KAT6B: variants seen among roughly 807,000 people sequenced by gnomAD.
KAT6B encodes lysine acetyltransferase 6B.
KAT6B carries 10 observed loss-of-function variants against 187.5 expected under a neutral mutation model. That is an observed-to-expected ratio of 0.05 (90% CI 0.03 to 0.09). The LOEUF is 0.09. Among genes scored for constraint, KAT6B ranks in the 10% least tolerant of loss-of-function variants. The pLI is 1.00. For synonymous variants in KAT6B, 861 were observed against 926.8 expected, an observed-to-expected ratio of 0.93 and a Z score of 1.29; for missense variants, 1,952 against 2,558.9, an observed-to-expected ratio of 0.76 and a Z score of 5.12.
intron 3 of KAT6B, among the ~76,000 whole-genome samples, chr10:74,913,233 GTC>G (rs1847377837): frequency 6.6e-6 from 1 of 152,016 alleles, no homozygotes; most frequent in Non-Finnish European, 1.5e-5. Context: ...AAACACCATG[GTC>G]CCCCCTTATC....
chr10:74,871,701 C>G (rs1843987338), intron 3 of KAT6B, among the ~76,000 whole-genome samples: 1 of 152,268 alleles, frequency 6.6e-6, no homozygotes. Flanking sequence ...AACACTCACT[C>G]TAAGGGGAGC....
intron 3 of KAT6B, among the ~76,000 whole-genome samples, chr10:74,935,424 C>T (rs540038553): frequency 6.6e-6 from 1 of 151,770 alleles, no homozygotes; most frequent in Admixed American, 6.6e-5. Flanking sequence ...GCTATGATGC[C>T]CAGACCAGAG....
intron 3 of KAT6B, among the ~76,000 whole-genome samples, chr10:74,936,035 G>C (rs958304942): frequency 6.6e-6 from 1 of 152,104 alleles, no homozygotes; most frequent in East Asian, 1.9e-4. Context: ...TCTATCTTTA[G>C]TACAGCCATT....
chr10:74,961,472 C>G (rs1841091356), intron 4 of KAT6B, among the ~76,000 whole-genome samples: 1 of 152,172 alleles, frequency 6.6e-6, no homozygotes, highest in Non-Finnish European at 1.5e-5. Context: ...GGTGCCTAGA[C>G]AGATTAAAGA....
At position 74,977,427 on chromosome 10, in the gene KAT6B, T is replaced by G. The variant is rs762626734; in HGVS notation, c.2105T>G (p.Leu702Arg). 1 of 1,613,824 alleles carries G rather than the reference T, an allele frequency of 6.2e-7. No individual in the cohort carries two copies. Among genetic ancestry groups the G allele is most frequent in the South Asian group, 1.1e-5 (1 of 91,068 alleles). ...DLDVFKQAQE[L>R]SWEKIECESG... The stretch of plus-strand genomic sequence containing the variant: ...GATGTTTTTAAGCAGGCCCAGGAAC[T>G]TTCTTGGGAGGTAAGGCGAGGATCC... Residue 702 changes from leucine to arginine, a missense_variant, in exon 9 of 18, where the codon CTT becomes CGT. Around this residue, in one of 9 missense-constraint regions of KAT6B, gnomAD observed 417 missense variants for 508.9 expected, o/e 0.82. Coordinates refer to ENST00000287239, the MANE Select transcript of KAT6B (RefSeq NM_012330.4).
intron 8 of KAT6B, chr10:74,977,000 T>C (rs558434489): frequency 9.3e-5 from 30 of 322,952 alleles, no homozygotes; most frequent in South Asian, 8.8e-4. Context: ...ATGGGAATGC[T>C]ATAACTAGAC....
intron 13 of KAT6B, among the ~76,000 whole-genome samples, chr10:75,015,858 C>T (rs1424167873): frequency 2.0e-5 from 3 of 152,176 alleles, no homozygotes; most frequent in Non-Finnish European, 4.4e-5. Flanking sequence ...AAAGTTTACA[C>T]TTTGGTGTTT....
chr10:74,951,560 A>G (rs1207498567), intron 3 of KAT6B, among the ~76,000 whole-genome samples: 2 of 152,164 alleles, frequency 1.3e-5, no homozygotes, highest in Non-Finnish European at 2.9e-5. Flanking sequence ...TCTGTCTTAT[A>G]TAGTGACTAT....
chr10:74,958,815 G>A lies in KAT6B; in HGVS notation c.622-1155G>A, dbSNP rs1038902119. Reference sequence around the variant, plus strand: ...AGCACTTTGGGAGGCTGAGGCGGGCGGATCATGAGGTCAGAAGATCGAGAC... The same window carrying A: ...AGCACTTTGGGAGGCTGAGGCGGGCAGATCATGAGGTCAGAAGATCGAGAC... On this transcript the variant is annotated intron_variant, in intron 3 of 17. Coordinates refer to ENST00000287239, the MANE Select transcript of KAT6B (RefSeq NM_012330.4). Among the ~76,000 whole-genome samples the A allele has an allele frequency of 1.1e-4, 17 of 152,084 alleles. No homozygotes were observed. The East Asian group carries it at 1.5e-3, about 14-fold the overall frequency.
At chr10:74,855,868 T>C (rs548933167) in intron 3 of KAT6B, among the ~76,000 whole-genome samples, 1 of 152,360 alleles carries the variant, frequency 6.6e-6, no homozygotes, top group South Asian at 2.1e-4. Flanking sequence ...TATGTTTTTA[T>C]ACATGGGTGT....
At chr10:74,896,492 T>G (rs1845998674) in intron 3 of KAT6B, among the ~76,000 whole-genome samples, 1 of 151,948 alleles carries the variant, frequency 6.6e-6, no homozygotes, top group Non-Finnish European at 1.5e-5. Flanking sequence ...GTTTCACTAT[T>G]TTGGCCAGGC....
chr10:74,981,247 A>G (rs1842484808), intron 10 of KAT6B, among the ~76,000 whole-genome samples: 2 of 152,184 alleles, frequency 1.3e-5, no homozygotes, highest in Admixed American at 1.3e-4. Context: ...ATATTAAAAA[A>G]TAATGTATGG....
chr10:74,976,378 C>A, intron 8 of KAT6B, 48 bp downstream of exon 8: 1 of 1,482,520 alleles, frequency 6.7e-7, no homozygotes, highest in Non-Finnish European at 9.3e-7. Flanking sequence ...CCGTCCCTTT[C>A]TCCCCAACCC....
intron 11 of KAT6B, chr10:74,984,222 G>A (rs983045596): frequency 5.3e-5 from 8 of 152,200 alleles, no homozygotes; most frequent in African/African-American, 1.9e-4. Flanking sequence ...AATAATTTGT[G>A]CAAGATGAGA....
In KAT6B at chr10:75,021,886, G is replaced by A. The variant is rs1845433367; in HGVS notation, c.3027G>A (p.Glu1009=). Residue 1009 remains glutamate, a synonymous_variant, in exon 16 of 18, where the codon GAG becomes GAA. Transcript: ENST00000287239. ...EEEREAEKEA[E]RLMEQASCWE... is the part of the protein sequence containing the mutation. ...TTTTTACCCTCCCCACTTAGGCTGA[G>A]CGGCTAATGGAACAAGCTAGCTGCT... 6.2e-7 allele frequency: 1 copy of A among 1,614,182 alleles called. No individual in the cohort carries two copies. The highest frequency in any genetic ancestry group is 2.2e-5 in the East Asian group (1 of 44,892).
intron 3 of KAT6B, among the ~76,000 whole-genome samples, chr10:74,869,286 C>G (rs899389909): frequency 6.6e-6 from 1 of 151,372 alleles, no homozygotes; most frequent in African/African-American, 2.4e-5. Context: ...TACATATTTT[C>G]TTTTTAAATG....
chr10:74,830,636 G>A (rs966723072), intron 1 of KAT6B, among the ~76,000 whole-genome samples: 9 of 146,448 alleles, frequency 6.1e-5, no homozygotes, highest in East Asian at 2.0e-4. Flanking sequence ...CTTGCTTCTC[G>A]CCCTCTCCAA....
chr10:74,990,052 G>A (rs1198423306), intron 13 of KAT6B, among the ~76,000 whole-genome samples: 1 of 151,742 alleles, frequency 6.6e-6, no homozygotes, highest in African/African-American at 2.4e-5. Flanking sequence ...AAAATTAGCT[G>A]GATGTGGTGG....
intron 13 of KAT6B, among the ~76,000 whole-genome samples, chr10:75,010,668 G>A (rs1211517657): frequency 6.6e-6 from 1 of 152,066 alleles, no homozygotes; most frequent in Admixed American, 6.6e-5. Flanking sequence ...CCCAAACCTG[G>A]TTCTGAAATC....
Sources: allele counts gnomAD v4.1 joint callset (sites outside exome capture counted in the v4.1 genomes callset), GRCh38; gene constraint gnomAD v4.1.1; regional missense constraint gnomAD v4.1.1; transcripts MANE v1.5; gene names NCBI Gene and HGNC (gene_info 2026-07-23, HGNC 2026-07-21).